Variants in HRH1 observed in about 807,000 individuals in gnomAD.
The protein encoded by HRH1 is histamine receptor H1.
HRH1 carries 6 observed loss-of-function variants against 10.3 expected under a neutral mutation model. The ratio of observed to expected loss-of-function variants is 0.58; its 90% confidence interval spans 0.32 to 1.15. HRH1 has a LOEUF of 1.15. Among genes scored for constraint, HRH1 ranks in the 50% most tolerant of loss-of-function variants. HRH1 has a pLI of 0.05. For synonymous variants in HRH1, 242 were observed against 236.7 expected (o/e 1.02, Z -0.21); for missense variants, 514 against 615.3 (o/e 0.84, Z 1.74).
chr3:11,234,643 A>G (rs1939128494), intron 1 of HRH1: 2 of 1,366,018 alleles, frequency 1.5e-6, no homozygotes, highest in South Asian at 1.2e-5. Flanking sequence ...GGTTATAAAT[A>G]TGATTCGATC....
Position 11,180,308 on chromosome 3 carries a change from A to G in HRH1, c.-36+25754A>G, listed in dbSNP as rs979839826. ...CCAGGGACCAGTTTCATGGAAGACA[A>G]TTTTTCCACGGACGGGGGTTGAAGG... On this transcript the variant is annotated intron_variant, in intron 1 of 1. Transcript: ENST00000431010. 1.2e-4 allele frequency among the ~76,000 whole-genome samples: 18 copies of G among 152,048 alleles called. No homozygotes were observed. In the South Asian group the frequency reaches 3.3e-3, roughly 28 times the overall value.
At chr3:11,142,613 G>A (rs1197650365) in intron 1 of HRH1, among the ~76,000 whole-genome samples, 1 of 152,204 alleles carries the variant, frequency 6.6e-6, no homozygotes, top group African/African-American at 2.4e-5. Context: ...AGCCACAAGT[G>A]AGCAAAGACT....
intron 1 of HRH1, among the ~76,000 whole-genome samples, chr3:11,256,753 C>G (rs1484786872): frequency 6.6e-6 from 1 of 151,640 alleles, no homozygotes. Context: ...GAACCGAGAT[C>G]GCGCCATTGC....
At chr3:11,188,687 T>C (rs142896566) in intron 1 of HRH1, among the ~76,000 whole-genome samples, 261 of 152,352 alleles carry the variant, frequency 1.7e-3, no homozygotes, top group African/African-American at 5.9e-3. Context: ...AAGTAAATTA[T>C]GGCAAATCTG....
chr3:11,245,119 G>A (rs347586), intron 1 of HRH1, among the ~76,000 whole-genome samples: 97,765 of 152,026 alleles, frequency 0.64, 31,747 homozygotes, highest in East Asian at 0.71. Context: ...TTGGGAGACC[G>A]AGGCAGGCAG....
In HRH1 at chr3:11,138,881, C is replaced by T. The variant is rs566440959; in HGVS notation, c.-36+1482C>T. On this transcript the variant is annotated intron_variant, in intron 1 of 1. Coordinates refer to the HRH1 transcript ENST00000438284. ...ATAGAGACAGGGTTTTGCCATGTTG[C>T]CCAAGCTGGTGTCAAACTCCTGGGC... 9.2e-4 allele frequency among the ~76,000 whole-genome samples: 140 copies of T among 151,898 alleles called. 3 individuals are homozygous for T. Among genetic ancestry groups the T allele is most frequent in the African/African-American group, 3.2e-3 (134 of 41,398 alleles).
At chr3:11,248,272 T>C (rs1048244562) in intron 1 of HRH1, among the ~76,000 whole-genome samples, 1 of 152,232 alleles carries the variant, frequency 6.6e-6, no homozygotes, top group African/African-American at 2.4e-5. Flanking sequence ...TGTTGTTGAT[T>C]ATAATAGATA....
intron 1 of HRH1, among the ~76,000 whole-genome samples, chr3:11,160,421 T>G (rs2125008077): frequency 6.6e-6 from 1 of 152,376 alleles, no homozygotes; most frequent in Non-Finnish European, 1.5e-5. Flanking sequence ...ATTATTCAGA[T>G]AGGAAAACAA....
intron 1 of HRH1, among the ~76,000 whole-genome samples, chr3:11,242,732 C>T: frequency 6.6e-6 from 1 of 152,162 alleles, no homozygotes; most frequent in Middle Eastern, 3.4e-3. Context: ...AAATTTTTAA[C>T]TATAAAGTGT....
chr3:11,161,011 G>A lies in HRH1; in HGVS notation c.-36+6457G>A, dbSNP rs184329146. ...TGTTTCTGCCTCCAAGTTTGGAGGA[G>A]CAAGAGAAGGGAATAAACACTCAAT... On this transcript the variant is annotated intron_variant, in intron 1 of 1. Coordinates refer to ENST00000431010, the MANE Select transcript of HRH1 (RefSeq NM_001098212.2). Among the ~76,000 whole-genome samples, 7 of 152,294 alleles carry A rather than the reference G, an allele frequency of 4.6e-5. No homozygotes were observed. The East Asian group carries it at 9.6e-4, about 21-fold the overall frequency.
In HRH1 at chr3:11,238,947, TTGG is replaced by T. The variant is rs199667026; in HGVS notation, c.-35-20051_-35-20049del. Among the ~76,000 whole-genome samples, 833 of 152,348 alleles carry T rather than the reference TTGG, an allele frequency of 5.5e-3. 7 individuals are homozygous for T. The highest frequency in any genetic ancestry group is 0.019 in the African/African-American group (790 of 41,582). On this transcript the variant is annotated intron_variant, in intron 1 of 1. Transcript: ENST00000431010. ...TGAACATTTGGTTTTTTTCCACTTT[TTGG>T]TGGTTATGAATAATGCTATGAGTAT...
intron 1 of HRH1, among the ~76,000 whole-genome samples, chr3:11,199,901 A>G (rs550571018): frequency 2.6e-4 from 39 of 152,316 alleles, no homozygotes; most frequent in Admixed American, 1.2e-3. Flanking sequence ...CATCTTGTTC[A>G]GGTAACTACC....
rs1478955410 is a variant in HRH1 at position 11,260,258 on chromosome 3, G to A, written c.1221G>A (p.Met407Ile). 2 of 1,614,210 alleles carry A rather than the reference G, an allele frequency of 1.2e-6. No homozygotes were observed. Among genetic ancestry groups the A allele is most frequent in the Non-Finnish European group, 1.7e-6 (2 of 1,180,044 alleles). ...HSRQYVSGLH[M>I]NRERKAAKQL... ...GACAGTATGTATCTGGGTTGCACATGAACCGCGAAAGGAAGGCCGCCAAAC... is the reference window on the plus strand; with the variant it reads ...GACAGTATGTATCTGGGTTGCACATAAACCGCGAAAGGAAGGCCGCCAAAC... Residue 407 changes from methionine to isoleucine, a missense_variant, in exon 2 of 2, where the codon ATG becomes ATA. Transcript: ENST00000431010.
upstream of HRH1, among the ~76,000 whole-genome samples, chr3:11,149,985 T>G (rs545895023): frequency 1.8e-4 from 28 of 152,336 alleles, 1 homozygote; most frequent in African/African-American, 6.3e-4. Context: ...CTGTGGCTTC[T>G]GCTCCCAGCA....
chr3:11,263,100 A>G lies in HRH1; in HGVS notation c.*2599A>G, dbSNP rs1372311466. On this transcript the variant is annotated 3_prime_UTR_variant, in exon 2 of 2. Coordinates refer to ENST00000431010, the MANE Select transcript of HRH1 (RefSeq NM_001098212.2). ...GAATGTGCTTCCTTTCCACTTTATC[A>G]ATCTGCTCTTCGTACTCCTGTCTGA... 6.0e-6 allele frequency: 1 copy of G among 167,096 alleles called. No homozygotes were observed. The highest frequency in any genetic ancestry group is 1.5e-5 in the Non-Finnish European group (1 of 68,128). 10.4% of individuals were successfully genotyped at this position (167,096 alleles called of 1,614,324 possible).
In HRH1 at chr3:11,158,738, G is replaced by T. The variant is rs183397500; in HGVS notation, c.-36+4184G>T. ...TTCATGTTCTGTTGGTTACTTGTTG[G>T]AGAAATATGCTTGGCTTTTGCATAT... On this transcript the variant is annotated intron_variant, in intron 1 of 1. Transcript: ENST00000431010. 5.3e-5 allele frequency among the ~76,000 whole-genome samples: 8 copies of T among 152,178 alleles called. 1 individual carries two copies. The East Asian group carries it at 1.5e-3, about 29-fold the overall frequency.
rs912404456 is a variant in HRH1 at position 11,263,242 on chromosome 3, G to T, written c.*2741G>T. ...AGTGGCTAATGGCTTTAATAAATTG[G>T]TCATTTGGCTACTTGGCTTGTGGAC... is the stretch of plus-strand genomic sequence containing the variant. On this transcript the variant is annotated 3_prime_UTR_variant, in exon 2 of 2. Transcript: ENST00000431010. 1.2e-5 allele frequency: 2 copies of T among 167,104 alleles called. No homozygotes were observed. The highest frequency in any genetic ancestry group is 4.8e-5 in the African/African-American group (2 of 41,466). The allele number at this position is 167,104 out of a possible 1,614,324, so 10.4% of individuals were successfully genotyped here.
chr3:11,161,311 C>G (rs1243978871), intron 1 of HRH1, among the ~76,000 whole-genome samples: 1 of 152,238 alleles, frequency 6.6e-6, no homozygotes, highest in African/African-American at 2.4e-5. Flanking sequence ...CTTTTCCAGG[C>G]AATTTTCACT....
chr3:11,154,595 C>T lies in HRH1; in HGVS notation c.-36+41C>T, dbSNP rs1409263560. On this transcript the variant is annotated intron_variant, in intron 1 of 1. Transcript: ENST00000431010. The surrounding 1 kb of genome is among the most constrained non-coding windows in gnomAD (Gnocchi z 4.4). ...GCGCGGGCTTGGGCGGGAGCGGGGC[C>T]GCCGCGGCTGGGCGAGGCTGCGCGC... 4 of 151,626 alleles carry T rather than the reference C, an allele frequency of 2.6e-5. No homozygotes were observed. The highest frequency in any genetic ancestry group is 1.5e-5 in the Non-Finnish European group (1 of 67,888). The allele number at this position is 151,626 out of a possible 1,614,324, so 9.4% of individuals were successfully genotyped here.
Sources: gnomAD v4.1 joint callset for allele counts (sites outside exome capture counted in the v4.1 genomes callset) on GRCh38, gnomAD v4.1.1 for gene constraint, Gnocchi (gnomAD v3.1) non-coding constraint, MANE v1.5 for transcripts, NCBI Gene and HGNC (gene_info 2026-07-23, HGNC 2026-07-21) for gene names.